Variants in MGAT5 observed in about 807,000 individuals in gnomAD.
MGAT5 encodes the protein alpha-1,6-mannosylglycoprotein 6-beta-N-acetylglucosaminyltransferase, also known as alpha-1,6-mannosylglycoprotein 6-beta-N-acetylglucosaminyltransferase A.
Under a neutral mutation model 94.3 loss-of-function variants are expected in MGAT5, and 30 were observed. The observed-to-expected ratio is 0.32, with a 90% CI of 0.24 to 0.43. The LOEUF is 0.43. MGAT5 is among the 20% of genes least tolerant of loss of function. MGAT5 has a pLI of 1.00. For missense variants in MGAT5, 691 were observed against 905.5 expected (o/e 0.76, Z 3.04); for synonymous variants, 310 against 322.9 (o/e 0.96, Z 0.43).
intron 2 of MGAT5, among the ~76,000 whole-genome samples, chr2:134,271,505 CT>C (rs367625192): frequency 5.3e-4 from 80 of 152,292 alleles, no homozygotes; most frequent in African/African-American, 1.8e-3. Flanking sequence ...GTTTCATATA[CT>C]TTTAAGCTTA....
In MGAT5 at chr2:134,408,769, G is replaced by A. The variant is rs79269188; in HGVS notation, c.1531-4100G>A. Among the ~76,000 whole-genome samples, 870 of 152,302 alleles carry A rather than the reference G, an allele frequency of 5.7e-3. 8 individuals are homozygous for A. The highest frequency in any genetic ancestry group is 0.017 in the African/African-American group (690 of 41,564). On this transcript the variant is annotated intron_variant, in intron 11 of 15. Transcript: ENST00000281923. Reference sequence around the variant, plus strand: ...GAGGGACCCTTTGGGCTACATGAAAGCATCACATTTTGGAAAAATTGTTTT... The same window carrying A: ...GAGGGACCCTTTGGGCTACATGAAAACATCACATTTTGGAAAAATTGTTTT...
intron 2 of MGAT5, among the ~76,000 whole-genome samples, chr2:134,306,399 T>C (rs1686332153): frequency 6.6e-6 from 1 of 152,196 alleles, no homozygotes; most frequent in Non-Finnish European, 1.5e-5. Flanking sequence ...TTATATTCAT[T>C]GAAAAAGATC....
At chr2:134,168,011 A>G (rs1445431045) in intron 1 of MGAT5, among the ~76,000 whole-genome samples, 2 of 152,176 alleles carry the variant, frequency 1.3e-5, no homozygotes, top group African/African-American at 2.4e-5. Context: ...AGTAGCTATC[A>G]GCAAAATAAC....
chr2:134,384,010 T>C (rs1194505620), intron 10 of MGAT5, among the ~76,000 whole-genome samples: 1 of 152,140 alleles, frequency 6.6e-6, no homozygotes, highest in Non-Finnish European at 1.5e-5. Context: ...TTTTAAACTA[T>C]TGAGAAAGAA....
intron 2 of MGAT5, among the ~76,000 whole-genome samples, chr2:134,291,050 AAG>A (rs1685320456): frequency 6.6e-6 from 1 of 152,192 alleles, no homozygotes; most frequent in Non-Finnish European, 1.5e-5. Flanking sequence ...ATGTAATGTC[AAG>A]GAGTGAGAAA....
intron 1 of MGAT5, among the ~76,000 whole-genome samples, chr2:134,153,248 A>G (rs577848276): frequency 1.8e-4 from 27 of 152,312 alleles, no homozygotes; most frequent in African/African-American, 6.0e-4. Context: ...CAAGGCCCCA[A>G]GTGGTTAAAA....
chr2:134,250,399 A>C (rs1682525729), upstream of MGAT5, among the ~76,000 whole-genome samples: 1 of 152,194 alleles, frequency 6.6e-6, no homozygotes, highest in Non-Finnish European at 1.5e-5. Flanking sequence ...TAGCTCCAGC[A>C]ACAACTTCTT....
At chr2:134,387,509 TCTAC>T (rs1467251804) in intron 10 of MGAT5, among the ~76,000 whole-genome samples, 1 of 151,190 alleles carries the variant, frequency 6.6e-6, no homozygotes, top group Non-Finnish European at 1.5e-5. Context: ...AGGAGTCTAT[TCTAC>T]CTAAGATCGT....
At chr2:134,352,843 G>A (rs533300532) in intron 9 of MGAT5, among the ~76,000 whole-genome samples, 26 of 152,224 alleles carry the variant, frequency 1.7e-4, no homozygotes, top group Admixed American at 1.5e-3. Flanking sequence ...AAAATGTAGT[G>A]TACATATATA....
intron 1 of MGAT5, among the ~76,000 whole-genome samples, chr2:134,121,428 G>A (rs1370364330): frequency 6.6e-6 from 1 of 152,240 alleles, no homozygotes; most frequent in Non-Finnish European, 1.5e-5. Flanking sequence ...CCGCCGCGCG[G>A]AAGAGCCGAA....
chr2:134,251,198 C>CAA (rs569492298), upstream of MGAT5, among the ~76,000 whole-genome samples: 21 of 136,334 alleles, frequency 1.5e-4, no homozygotes, highest in African/African-American at 3.5e-4. Context: ...TATGGGTTAT[C>CAA]AAAAAAAAAA....
intron 1 of MGAT5, among the ~76,000 whole-genome samples, chr2:134,134,167 T>A (rs1269037148): frequency 6.6e-6 from 1 of 152,148 alleles, no homozygotes; most frequent in East Asian, 1.9e-4. Context: ...GGCATGCAAT[T>A]CTTATCAACC....
chr2:134,147,737 C>T (rs1686989108), intron 1 of MGAT5, among the ~76,000 whole-genome samples: 2 of 152,188 alleles, frequency 1.3e-5, no homozygotes, highest in African/African-American at 4.8e-5. Context: ...TTGGGATGAG[C>T]AAGTCCTATG....
At chr2:134,311,189 G>A (rs1360651424) in intron 2 of MGAT5, among the ~76,000 whole-genome samples, 9 of 152,118 alleles carry the variant, frequency 5.9e-5, no homozygotes, top group African/African-American at 1.9e-4. Context: ...GTAACTTCCT[G>A]GGGTCAACAG....
chr2:134,392,784 G>A lies in MGAT5; in HGVS notation c.1381-10204G>A, dbSNP rs1243163078. Among the ~76,000 whole-genome samples the A allele has an allele frequency of 4.6e-5, 7 of 152,244 alleles. No homozygotes were observed. The East Asian group carries it at 1.3e-3, about 29-fold the overall frequency. On this transcript the variant is annotated intron_variant, in intron 10 of 15. Transcript: ENST00000281923. Reference sequence around the variant, plus strand: ...TAGCAAGCACAGCCCTACAACTAGAGCTTAAAATTAGAAATGCACCTTAGT... The same window carrying A: ...TAGCAAGCACAGCCCTACAACTAGAACTTAAAATTAGAAATGCACCTTAGT...
At chr2:134,127,946 G>T (rs1390535055) in intron 1 of MGAT5, among the ~76,000 whole-genome samples, 2 of 152,148 alleles carry the variant, frequency 1.3e-5, no homozygotes, top group African/African-American at 4.8e-5. Context: ...AAATCAGTCT[G>T]TGGACATTTT....
chr2:134,179,534 A>T (rs535841491), intron 1 of MGAT5, among the ~76,000 whole-genome samples: 41,880 of 151,872 alleles, frequency 0.28, 7,993 homozygotes, highest in African/African-American at 0.53. Context: ...ATAGAACAAG[A>T]CCATTCTGGG....
chr2:134,278,633 C>CGA (rs1684519230), intron 2 of MGAT5, among the ~76,000 whole-genome samples: 1 of 152,188 alleles, frequency 6.6e-6, no homozygotes, highest in Non-Finnish European at 1.5e-5. Context: ...TATCCTAAAC[C>CGA]TGACTCAAGC....
At chr2:134,328,930 T>A (rs1056755454) in intron 4 of MGAT5, among the ~76,000 whole-genome samples, 1 of 151,824 alleles carries the variant, frequency 6.6e-6, no homozygotes, top group African/African-American at 2.4e-5. Context: ...GGGTTTCAAG[T>A]AGAAGGAAGA....
Sources: gnomAD v4.1 joint callset for allele counts (sites outside exome capture counted in the v4.1 genomes callset) on GRCh38, gnomAD v4.1.1 for gene constraint, MANE v1.5 for transcripts, NCBI Gene and HGNC (gene_info 2026-07-23, HGNC 2026-07-21) for gene names.